PHTF1: variants seen among roughly 807,000 people sequenced by gnomAD.
PHTF1 encodes the protein protein PHTF1.
PHTF1 carries 88 observed loss-of-function variants against 102.4 expected under a neutral mutation model. The ratio of observed to expected loss-of-function variants is 0.86; its 90% CI spans 0.72 to 1.03. The LOEUF (loss-of-function observed/expected upper bound fraction) is 1.03. Among genes scored for constraint, PHTF1 ranks in the 50% least tolerant of loss-of-function variants. The probability of loss-of-function intolerance (pLI) is 0.00; values close to 1 mark genes in which losing one functional copy is unlikely to be tolerated. For missense variants in PHTF1, 814 were observed against 909.5 expected (o/e 0.89, Z 1.35); for synonymous variants, 289 against 305.2 (o/e 0.95, Z 0.55).
intron 3 of PHTF1, among the ~76,000 whole-genome samples, chr1:113,750,097 C>A (rs1053816927): frequency 4.6e-5 from 7 of 152,010 alleles, no homozygotes; most frequent in Admixed American, 3.9e-4. Flanking sequence ...TGGGCTCAGG[C>A]GATCCCCCCC....
intron 3 of PHTF1, among the ~76,000 whole-genome samples, chr1:113,743,628 G>C (rs79410132): frequency 0.017 from 2,514 of 152,224 alleles, 32 homozygotes; most frequent in Non-Finnish European, 0.025. Context: ...AGTGCATTTG[G>C]TTTGTTTACT....
intron 15 of PHTF1, among the ~76,000 whole-genome samples, chr1:113,702,714 G>C (rs776668281): frequency 6.6e-6 from 1 of 152,158 alleles, no homozygotes; most frequent in Non-Finnish European, 1.5e-5. Flanking sequence ...CTGATTATGA[G>C]AGACACACCT....
intron 17 of PHTF1, among the ~76,000 whole-genome samples, chr1:113,698,620 T>TATACAC (rs1261835182): frequency 4.0e-5 from 2 of 49,672 alleles, no homozygotes; most frequent in African/African-American, 8.3e-5. Context: ...TATATATATA[T>TATACAC]ACACACACAC....
In PHTF1 at chr1:113,711,904, C is replaced by T. The variant is rs1651153940; in HGVS notation, c.957+36G>A. 3.1e-6 allele frequency: 5 copies of T among 1,600,582 alleles called. No homozygotes were observed. The Admixed American group carries it at 8.3e-5, about 27-fold the overall frequency. ...TGCTTTGTTACTAACTTCAATGATT[C>T]AGTCCTATACTTTCATAAACTAAAA... On this transcript the variant is annotated intron_variant, in intron 9 of 18. Coordinates refer to ENST00000369604, the MANE Select transcript of PHTF1 (RefSeq NM_001323043.2).
At chr1:113,716,995 TACA>T (rs976089586) in intron 7 of PHTF1, among the ~76,000 whole-genome samples, 1 of 152,138 alleles carries the variant, frequency 6.6e-6, no homozygotes, top group South Asian at 2.1e-4. Flanking sequence ...CTTAAAAGAA[TACA>T]ACATTTCAAG....
At chr1:113,742,044 A>G (rs1656447448) in intron 3 of PHTF1, among the ~76,000 whole-genome samples, 1 of 152,224 alleles carries the variant, frequency 6.6e-6, no homozygotes, top group African/African-American at 2.4e-5. Context: ...GAGGAAGTAC[A>G]TGGCAGGCAC....
At position 113,704,773 on chromosome 1, in the gene PHTF1, T is replaced by C; in HGVS notation, c.1696A>G (p.Ser566Gly). 6.3e-7 allele frequency: 1 copy of C among 1,593,108 alleles called. No individual in the cohort carries two copies. The highest frequency in any genetic ancestry group is 1.1e-5 in the South Asian group (1 of 89,806). ...KQRFLFAKLF[S>G]HITSARKARK... ...GCTTTCCTGGCAGAAGTAATATGGC[T>C]GAAGAGTTTTGCAAATAAAAATCTC... is the stretch of plus-strand genomic sequence containing the variant. Residue 566 changes from serine (S) to glycine (G), a missense_variant, in exon 14 of 19, where the codon AGC becomes GGC. Transcript: ENST00000369604.
intron 3 of PHTF1, among the ~76,000 whole-genome samples, chr1:113,739,975 C>T (rs1656106930): frequency 6.6e-6 from 1 of 152,196 alleles, no homozygotes; most frequent in Non-Finnish European, 1.5e-5. Context: ...TTAATCCATT[C>T]ACCTGTTGAT....
Position 113,758,831 on chromosome 1 carries a change from G to A in PHTF1, c.-30-98C>T, listed in dbSNP as rs1222260731. 2.8e-6 allele frequency: 4 copies of A among 1,405,686 alleles called. No individual in the cohort carries two copies. The African/African-American group carries it at 5.9e-5, about 21-fold the overall frequency. The allele number at this position is 1,405,686 out of a possible 1,614,324, so 87.1% of individuals were successfully genotyped here. A position where few individuals can be genotyped will look rare whatever the true frequency, so the allele number is the denominator to read the frequency against. On this transcript the variant is annotated intron_variant, in intron 1 of 18. Coordinates refer to ENST00000369604, the MANE Select transcript of PHTF1 (RefSeq NM_001323043.2). ...AAACCGCTTCTCTCAGCCTCTCCATGAGCTGCTCTTTCTCCAGCTGTTTGC... is the reference window on the plus strand; with the variant it reads ...AAACCGCTTCTCTCAGCCTCTCCATAAGCTGCTCTTTCTCCAGCTGTTTGC...
chr1:113,745,390 C>A (rs1378267624), intron 3 of PHTF1, among the ~76,000 whole-genome samples: 1 of 152,070 alleles, frequency 6.6e-6, no homozygotes, highest in Non-Finnish European at 1.5e-5. Flanking sequence ...CAAGAGAAAG[C>A]AGTTAGAAAG....
At chr1:113,725,122 C>T (rs1057379881) in intron 6 of PHTF1, among the ~76,000 whole-genome samples, 4 of 152,062 alleles carry the variant, frequency 2.6e-5, no homozygotes, top group East Asian at 3.8e-4. Flanking sequence ...GAAATAGAAC[C>T]GCTATTCAGA....
chr1:113,748,111 G>C (rs1396531164), intron 3 of PHTF1, among the ~76,000 whole-genome samples: 1 of 152,066 alleles, frequency 6.6e-6, no homozygotes, highest in Non-Finnish European at 1.5e-5. Flanking sequence ...CTGAGTAGCT[G>C]CGACTACAGG....
At chr1:113,700,607 G>A (rs573703425) in intron 16 of PHTF1, among the ~76,000 whole-genome samples, 187 bp downstream of exon 16, 2 of 152,314 alleles carry the variant, frequency 1.3e-5, no homozygotes, top group East Asian at 3.9e-4. Context: ...TTCTCACAGA[G>A]CAGGAGGAGA....
At position 113,728,486 on chromosome 1, in the gene PHTF1, C is replaced by A. The variant is rs771130289; in HGVS notation, c.332-1912G>T. Among the ~76,000 whole-genome samples the A allele has an allele frequency of 1.1e-4, 17 of 152,272 alleles. No homozygotes were observed. In the South Asian group the frequency reaches 1.2e-3, roughly 11 times the overall value. On this transcript the variant is annotated intron_variant, in intron 5 of 18. Transcript: ENST00000369604. ...GAGGATATGGAGAAAAGGGAACCCC[C>A]GTACACTGTTGGTGGAAATATAAAG...
intron 6 of PHTF1, 22 bp from the exon 7 acceptor site, chr1:113,724,915 A>G (rs1223650382): frequency 2.6e-6 from 4 of 1,564,868 alleles, no homozygotes; most frequent in Non-Finnish European, 3.5e-6. Flanking sequence ...AATTTCAATA[A>G]CTTCAGATTA....
At position 113,720,773 on chromosome 1, in the gene PHTF1, C is replaced by T. The variant is rs12745105; in HGVS notation, c.623+3986G>A. 9.5e-3 allele frequency among the ~76,000 whole-genome samples: 1,454 copies of T among 152,270 alleles called. 8 individuals carry two copies. Among genetic ancestry groups the T allele is most frequent in the Non-Finnish European group, 0.016 (1,067 of 68,014 alleles). ...CCAGTGAGAACTCTATGTGCGGGTG[C>T]CCACCCCACATTTCCCTTCCACACT... On this transcript the variant is annotated intron_variant, in intron 7 of 18. Transcript: ENST00000369604.
chr1:113,735,510 TATG>T (rs983936589), intron 5 of PHTF1, among the ~76,000 whole-genome samples: 1 of 150,862 alleles, frequency 6.6e-6, no homozygotes, highest in Admixed American at 6.6e-5. Flanking sequence ...GGTATGCCCA[TATG>T]ATGAATTATT....
chr1:113,749,727 C>T (rs1402111289), intron 3 of PHTF1: 1 of 152,248 alleles, frequency 6.6e-6, no homozygotes, highest in Admixed American at 6.5e-5. Context: ...ATACCTGATA[C>T]ATCTAATTCC....
At chr1:113,756,807 A>G (rs2101743737) in intron 3 of PHTF1, among the ~76,000 whole-genome samples, 1 of 152,338 alleles carries the variant, frequency 6.6e-6, no homozygotes, top group African/African-American at 2.4e-5. Flanking sequence ...CTTGGTTAGT[A>G]TAAAATAAGA....
Sources: gnomAD v4.1 joint callset for allele counts (sites outside exome capture counted in the v4.1 genomes callset) on GRCh38, gnomAD v4.1.1 for gene constraint, MANE v1.5 for transcripts, NCBI Gene and HGNC (gene_info 2026-07-23, HGNC 2026-07-21) for gene names.